ARL15: variants seen among roughly 807,000 people sequenced by gnomAD.
ARL15 encodes ARF like GTPase 15.
Under a neutral mutation model 25.2 loss-of-function variants are expected in ARL15, and 19 were observed. That is an observed-to-expected ratio of 0.75 (90% CI 0.53 to 1.10). ARL15 has a LOEUF of 1.10. Among genes scored for constraint, ARL15 ranks in the 50% least tolerant of loss-of-function variants. The pLI, the probability that ARL15 is intolerant of heterozygous loss-of-function variation, is 0.00. For missense variants in ARL15, 220 were observed against 246.0 expected, an observed-to-expected ratio of 0.89 and a Z score of 0.71; for synonymous variants, 94 against 86.8, an observed-to-expected ratio of 1.08 and a Z score of -0.46.
chr5:53,994,526 A>G (rs943293122), intron 4 of ARL15, among the ~76,000 whole-genome samples: 1 of 152,216 alleles, frequency 6.6e-6, no homozygotes, highest in Admixed American at 6.5e-5. Context: ...GCTGCTTAGC[A>G]AAGTGGCTCC....
Position 54,219,215 on chromosome 5 carries a change from T to C in ARL15, c.49-47287A>G, listed in dbSNP as rs1400247594. ...TTAAAATAAGGTTGGCCATGCATAC[T>C]TTATTGCTGTCACAGTCTCACATGA... is the stretch of plus-strand genomic sequence containing the variant. On this transcript the variant is annotated intron_variant, in intron 1 of 4. Coordinates refer to ENST00000504924, the MANE Select transcript of ARL15 (RefSeq NM_019087.3). Among the ~76,000 whole-genome samples the C allele has an allele frequency of 3.3e-5, 5 of 152,192 alleles. 1 individual carries two copies. In the South Asian group the frequency reaches 1.0e-3, roughly 32 times the overall value.
chr5:54,106,900 T>C (rs766012302), intron 4 of ARL15, among the ~76,000 whole-genome samples: 1 of 152,152 alleles, frequency 6.6e-6, no homozygotes, highest in Non-Finnish European at 1.5e-5. Context: ...GGAAATCAGA[T>C]GAGAGAGCCC....
intron 4 of ARL15, among the ~76,000 whole-genome samples, chr5:53,949,277 A>G (rs1746863828): frequency 6.6e-6 from 1 of 152,180 alleles, no homozygotes; most frequent in African/African-American, 2.4e-5. Flanking sequence ...ATTCTACTCA[A>G]TAGCTAGAGT....
chr5:54,161,150 T>C (rs752542108), intron 2 of ARL15, among the ~76,000 whole-genome samples: 1 of 152,144 alleles, frequency 6.6e-6, no homozygotes, highest in Non-Finnish European at 1.5e-5. Flanking sequence ...TTGATCAAGT[T>C]ACCATAATGT....
Position 53,948,794 on chromosome 5 carries a change from T to C in ARL15, c.463-62081A>G, listed in dbSNP as rs80175371. The stretch of plus-strand genomic sequence containing the variant: ...GAACAAGAGTCACAATTGTGCCCAC[T>C]CAGCATTCCTTCACATTGATCAGAA... On this transcript the variant is annotated intron_variant, in intron 4 of 4. Coordinates refer to ENST00000504924, the MANE Select transcript of ARL15 (RefSeq NM_019087.3). 5.2e-3 allele frequency among the ~76,000 whole-genome samples: 794 copies of C among 152,292 alleles called. 4 individuals are homozygous for C. Among genetic ancestry groups the C allele is most frequent in the African/African-American group, 0.018 (764 of 41,568 alleles).
At chr5:54,128,706 C>CT (rs34430326) in intron 3 of ARL15, among the ~76,000 whole-genome samples, 57,381 of 130,220 alleles carry the variant, frequency 0.44, 14,306 homozygotes, top group East Asian at 0.93. Context: ...TATTTTGATT[C>CT]TTTTTTTTTT....
intron 4 of ARL15, chr5:53,911,981 C>T (rs1188777629): frequency 5.3e-5 from 8 of 151,730 alleles, no homozygotes; most frequent in Admixed American, 2.6e-4. Flanking sequence ...TCCAGCAATC[C>T]GAAGTCTCTA....
chr5:54,112,478 A>C (rs920249897), intron 4 of ARL15, among the ~76,000 whole-genome samples: 19 of 152,224 alleles, frequency 1.2e-4, no homozygotes, highest in Non-Finnish European at 1.9e-4. Flanking sequence ...GAAAGTTACA[A>C]GTATAAAGGA....
At chr5:54,239,920 G>A (rs969221389) in intron 1 of ARL15, among the ~76,000 whole-genome samples, 1 of 152,184 alleles carries the variant, frequency 6.6e-6, no homozygotes, top group African/African-American at 2.4e-5. Flanking sequence ...TCACTGGAGA[G>A]TAGAACTTAA....
chr5:54,178,974 A>G (rs943112583), intron 1 of ARL15, among the ~76,000 whole-genome samples: 15 of 152,352 alleles, frequency 9.8e-5, no homozygotes, highest in African/African-American at 3.6e-4. Flanking sequence ...AACAGCAGAT[A>G]TAAGTGACTT....
intron 1 of ARL15, among the ~76,000 whole-genome samples, chr5:54,241,212 A>C (rs1224894886): frequency 2.0e-5 from 3 of 152,214 alleles, no homozygotes; most frequent in Non-Finnish European, 4.4e-5. Flanking sequence ...CCAGCAGAAC[A>C]ACCAGTACCA....
chr5:54,046,532 G>A (rs956771192), intron 4 of ARL15, among the ~76,000 whole-genome samples: 2 of 151,994 alleles, frequency 1.3e-5, no homozygotes, highest in East Asian at 3.9e-4. Flanking sequence ...TAGAATGAAA[G>A]TGTTTGAAAA....
At chr5:54,233,073 G>A (rs1756715721) in intron 1 of ARL15, among the ~76,000 whole-genome samples, 2 of 152,166 alleles carry the variant, frequency 1.3e-5, no homozygotes, top group African/African-American at 2.4e-5. Context: ...TCATGCTGGT[G>A]GCACCAAACT....
chr5:54,214,875 C>T (rs931248740), intron 1 of ARL15, among the ~76,000 whole-genome samples: 1 of 152,154 alleles, frequency 6.6e-6, no homozygotes, highest in East Asian at 1.9e-4. Flanking sequence ...GGCAGCCTGG[C>T]CAGACTTGGG....
Position 54,111,541 on chromosome 5 carries a change from G to C in ARL15, c.462+1661C>G, listed in dbSNP as rs572310117. 2.0e-5 allele frequency among the ~76,000 whole-genome samples: 3 copies of C among 152,130 alleles called. No homozygotes were observed. The South Asian group carries it at 6.2e-4, about 32-fold the overall frequency. On this transcript the variant is annotated intron_variant, in intron 4 of 4. Coordinates refer to ENST00000504924, the MANE Select transcript of ARL15 (RefSeq NM_019087.3). ...AAAGATACATTACTTTCAATTATAT[G>C]ATGTCTAAGGAAAACAGATACACAG... is the stretch of plus-strand genomic sequence containing the variant.
At chr5:54,226,489 C>T (rs563116690) in intron 1 of ARL15, among the ~76,000 whole-genome samples, 7 of 152,056 alleles carry the variant, frequency 4.6e-5, no homozygotes, top group South Asian at 2.1e-4. Context: ...CACTGGAAGC[C>T]GTGGTTAGCT....
intron 1 of ARL15, among the ~76,000 whole-genome samples, chr5:54,189,611 A>G (rs1755338585): frequency 3.3e-5 from 5 of 152,208 alleles, no homozygotes; most frequent in Admixed American, 3.3e-4. Flanking sequence ...ATAAAGTTGT[A>G]CCCTTACCTA....
chr5:54,042,499 A>G (rs561060818), intron 4 of ARL15, among the ~76,000 whole-genome samples: 3 of 152,170 alleles, frequency 2.0e-5, no homozygotes, highest in Non-Finnish European at 4.4e-5. Context: ...GCAGAGAAGG[A>G]GCCAAACTCA....
chr5:54,114,406 G>GACAAAAAAAAAAAAAAA (rs1752833228), intron 3 of ARL15, among the ~76,000 whole-genome samples: 1 of 74,474 alleles, frequency 1.3e-5, no homozygotes, highest in Non-Finnish European at 2.3e-5. Flanking sequence ...TCCATCTCAA[G>GACAAAAAAAAAAAAAAA]AAAAAAAAAA....
Sources: allele counts gnomAD v4.1 joint callset (sites outside exome capture counted in the v4.1 genomes callset), GRCh38; gene constraint gnomAD v4.1.1; transcripts MANE v1.5; gene names NCBI Gene and HGNC (gene_info 2026-07-23, HGNC 2026-07-21).